The following TRMT11 variants were observed in gnomAD, a reference collection of about 807,000 sequenced individuals.
TRMT11 encodes the protein tRNA methyltransferase 11, also known as tRNA (guanine(10)-N(2))-methyltransferase TRMT11.
TRMT11 carries 53 observed loss-of-function variants against 62.8 expected under a neutral mutation model. The observed-to-expected ratio is 0.84, with a 90% CI of 0.68 to 1.06. The LOEUF (loss-of-function observed/expected upper bound fraction) is 1.06, where lower values mean the gene tolerates loss of function less well. TRMT11 is among the 50% of genes least tolerant of loss of function. The pLI, the probability that TRMT11 is intolerant of heterozygous loss-of-function variation, is 0.00. For synonymous variants in TRMT11, 188 were observed against 190.3 expected (o/e 0.99, Z 0.10); for missense variants, 556 against 553.4 (o/e 1.00, Z -0.05).
intron 3 of TRMT11, among the ~76,000 whole-genome samples, chr6:126,201,538 C>A (rs1212085417): frequency 6.6e-6 from 1 of 152,146 alleles, no homozygotes; most frequent in Non-Finnish European, 1.5e-5. Flanking sequence ...ACAATGGACA[C>A]ATTAAATTAT....
At chr6:126,028,873 C>T (rs562595561) in intron 12 of TRMT11, among the ~76,000 whole-genome samples, 1 of 152,162 alleles carries the variant, frequency 6.6e-6, no homozygotes, top group Admixed American at 6.5e-5. Flanking sequence ...TCTCTGAAGC[C>T]TGAGAGAACA....
chr6:126,249,629 A>G, the TRMT11 span, among the ~76,000 whole-genome samples: 4 of 152,184 alleles, frequency 2.6e-5, no homozygotes, highest in African/African-American at 9.6e-5. Flanking sequence ...GAAGACACAG[A>G]TGAGCAAACA....
intron 1 of TRMT11, among the ~76,000 whole-genome samples, chr6:126,179,983 G>C (rs1778439233): frequency 6.6e-6 from 1 of 151,780 alleles, no homozygotes; most frequent in South Asian, 2.1e-4. Flanking sequence ...ATATAAGAAA[G>C]GAGAAAAACC....
intron 1 of TRMT11, among the ~76,000 whole-genome samples, chr6:125,993,373 C>T (rs562869910): frequency 6.6e-6 from 1 of 152,250 alleles, no homozygotes; most frequent in East Asian, 1.9e-4. Context: ...TAGTGGTATG[C>T]CCTGGCTGAT....
At chr6:126,270,207 CT>C in the TRMT11 span, among the ~76,000 whole-genome samples, 1 of 152,034 alleles carries the variant, frequency 6.6e-6, no homozygotes, top group South Asian at 2.1e-4. Flanking sequence ...TAGTAGGTTT[CT>C]TTTTTTCTAG....
the TRMT11 span, among the ~76,000 whole-genome samples, chr6:126,237,148 G>A: frequency 6.6e-6 from 1 of 151,924 alleles, no homozygotes; most frequent in Non-Finnish European, 1.5e-5. Flanking sequence ...AGCATCAATA[G>A]TTTGTGTTTC....
chr6:126,164,639 T>A (rs1778236746), intron 21 of TRMT11, among the ~76,000 whole-genome samples: 1 of 152,250 alleles, frequency 6.6e-6, no homozygotes, highest in Non-Finnish European at 1.5e-5. Context: ...AAGAACTTGC[T>A]TTATGAATCT....
the TRMT11 span, chr6:126,258,345 G>C: frequency 2.6e-6 from 1 of 377,916 alleles, no homozygotes; most frequent in Non-Finnish European, 5.1e-6. Flanking sequence ...TGCCATGGCG[G>C]CTGCCAGGGC....
intron 1 of TRMT11, among the ~76,000 whole-genome samples, chr6:126,196,365 C>T (rs894985901): frequency 2.0e-5 from 3 of 152,154 alleles, no homozygotes; most frequent in Admixed American, 2.0e-4. Context: ...TATTCTGTTT[C>T]ACTAAGGTTT....
At chr6:126,203,343 C>T (rs926582526), downstream of TRMT11, among the ~76,000 whole-genome samples, 4 of 152,176 alleles carry the variant, frequency 2.6e-5, no homozygotes, top group Non-Finnish European at 4.4e-5. Context: ...GAAGAGACCA[C>T]TTAGATTTTT....
At chr6:126,091,247 A>G (rs1215961487) in intron 17 of TRMT11, among the ~76,000 whole-genome samples, 8 of 151,908 alleles carry the variant, frequency 5.3e-5, no homozygotes, top group African/African-American at 1.9e-4. Context: ...CTTCTTACAT[A>G]TTTTAAGTTC....
At chr6:126,205,583 A>C (rs796479182), downstream of TRMT11, among the ~76,000 whole-genome samples, 10 of 152,326 alleles carry the variant, frequency 6.6e-5, no homozygotes, top group African/African-American at 2.4e-4. Flanking sequence ...ACTGTACATT[A>C]AGGAAATTAA....
chr6:126,092,304 T>G (rs1450415985), intron 17 of TRMT11, among the ~76,000 whole-genome samples: 1 of 152,184 alleles, frequency 6.6e-6, no homozygotes, highest in African/African-American at 2.4e-5. Flanking sequence ...TTTAATGGAC[T>G]CACAGTTCCA....
intron 21 of TRMT11, among the ~76,000 whole-genome samples, chr6:126,151,151 C>T (rs529719952): frequency 2.0e-4 from 31 of 152,190 alleles, no homozygotes; most frequent in Non-Finnish European, 3.2e-4. Flanking sequence ...CTTTTTATAT[C>T]GATCAAATAT....
intron 17 of TRMT11, among the ~76,000 whole-genome samples, chr6:126,074,968 TTAA>T (rs1776975570): frequency 6.6e-6 from 1 of 152,206 alleles, no homozygotes; most frequent in Non-Finnish European, 1.5e-5. Flanking sequence ...ACAATTTTTA[TTAA>T]TTTTTTAAAA....
the TRMT11 span, among the ~76,000 whole-genome samples, chr6:126,268,694 G>T: frequency 6.6e-6 from 1 of 152,122 alleles, no homozygotes; most frequent in South Asian, 2.1e-4. Flanking sequence ...ATGTGTGATA[G>T]ACATGTTTGT....
At chr6:126,100,064 C>T (rs1242549934) in intron 17 of TRMT11, among the ~76,000 whole-genome samples, 3 of 152,232 alleles carry the variant, frequency 2.0e-5, no homozygotes, top group South Asian at 2.1e-4. Flanking sequence ...CCATGCCCAC[C>T]GGTGACACTC....
intron 17 of TRMT11, among the ~76,000 whole-genome samples, chr6:126,077,455 A>G (rs1303742121): frequency 2.0e-5 from 3 of 152,220 alleles, no homozygotes; most frequent in Non-Finnish European, 4.4e-5. Flanking sequence ...TGGACACACA[A>G]AGGAGATAAG....
intron 1 of TRMT11, among the ~76,000 whole-genome samples, chr6:126,196,700 T>C (rs1469802195): frequency 6.6e-6 from 1 of 152,032 alleles, no homozygotes; most frequent in East Asian, 1.9e-4. Context: ...TTCATTAGAA[T>C]AGCTGTGAGG....
Sources: allele counts gnomAD v4.1 joint callset (sites outside exome capture counted in the v4.1 genomes callset), GRCh38; gene constraint gnomAD v4.1.1; transcripts MANE v1.5; gene names NCBI Gene and HGNC (gene_info 2026-07-23, HGNC 2026-07-21).